The following UBE4B variants were observed in gnomAD, a reference collection of about 807,000 sequenced individuals.
UBE4B encodes ubiquitin conjugation factor E4 B.
Under a neutral mutation model 148.1 loss-of-function variants are expected in UBE4B, and 27 were observed. The observed-to-expected ratio is 0.18, with a 90% CI of 0.13 to 0.25. The LOEUF (loss-of-function observed/expected upper bound fraction) is 0.25. Among genes scored for constraint, UBE4B ranks in the 10% least tolerant of loss-of-function variants. The probability of loss-of-function intolerance (pLI) is 1.00; values close to 1 mark genes in which losing one functional copy is unlikely to be tolerated. For synonymous variants in UBE4B, 596 were observed against 619.3 expected, an observed-to-expected ratio of 0.96 and a Z score of 0.56; for missense variants, 1,170 against 1,662.4, an observed-to-expected ratio of 0.70 and a Z score of 5.15.
chr1:10,055,240 G>A (rs977907904), intron 1 of UBE4B, among the ~76,000 whole-genome samples: 1 of 152,104 alleles, frequency 6.6e-6, no homozygotes, highest in East Asian at 1.9e-4. Flanking sequence ...ACAAATGCTT[G>A]TGAAAATGTC....
intron 17 of UBE4B, among the ~76,000 whole-genome samples, chr1:10,140,736 CT>C (rs1645770228): frequency 6.6e-6 from 1 of 152,158 alleles, no homozygotes; most frequent in Non-Finnish European, 1.5e-5. Context: ...TTTTTCAATG[CT>C]GTGATTTAAG....
At chr1:10,105,837 G>A (rs1645096638) in intron 6 of UBE4B, 93 bp downstream of exon 6, 2 of 1,254,780 alleles carry the variant, frequency 1.6e-6, no homozygotes, top group South Asian at 1.3e-5. Flanking sequence ...GTTAATCAGT[G>A]TCATACAGGG....
chr1:10,038,171 T>C (rs1371263261), intron 1 of UBE4B, among the ~76,000 whole-genome samples: 1 of 151,278 alleles, frequency 6.6e-6, no homozygotes, highest in Non-Finnish European at 1.5e-5. Flanking sequence ...TCCGAGGTAC[T>C]CAGGAGGCTG....
intron 24 of UBE4B, 52 bp from the exon 25 acceptor site, chr1:10,171,086 T>C: frequency 6.5e-7 from 1 of 1,547,998 alleles, no homozygotes; most frequent in Non-Finnish European, 8.7e-7. Flanking sequence ...TTTTTGGTCC[T>C]TTTCACTTGT....
chr1:10,077,376 C>A (rs892248886), intron 2 of UBE4B, among the ~76,000 whole-genome samples: 1 of 152,178 alleles, frequency 6.6e-6, no homozygotes, highest in East Asian at 1.9e-4. Flanking sequence ...GGATTAGGGA[C>A]CACCGTAATT....
chr1:10,121,872 T>C (rs1209823513), intron 9 of UBE4B, 90 bp from the exon 10 acceptor site: 2 of 775,168 alleles, frequency 2.6e-6, no homozygotes, highest in Admixed American at 2.6e-5. Context: ...AGTTTGACTT[T>C]TGACTGGGCA....
intron 1 of UBE4B, among the ~76,000 whole-genome samples, chr1:10,042,342 G>T (rs1426925833): frequency 6.6e-6 from 1 of 152,142 alleles, no homozygotes; most frequent in Non-Finnish European, 1.5e-5. Context: ...GTCCTAGTGG[G>T]AGGAGAGGGA....
At chr1:10,119,127 C>T (rs1285599100) in intron 8 of UBE4B, among the ~76,000 whole-genome samples, 3 of 151,850 alleles carry the variant, frequency 2.0e-5, no homozygotes, top group African/African-American at 4.8e-5. Flanking sequence ...GTGATCCGCC[C>T]TTCTTGGCCT....
intron 7 of UBE4B, among the ~76,000 whole-genome samples, chr1:10,116,108 AG>A (rs1346062730): frequency 2.0e-5 from 3 of 152,162 alleles, no homozygotes; most frequent in Admixed American, 2.0e-4. Flanking sequence ...GGGTTGAAGT[AG>A]GGATGTGTCT....
intron 2 of UBE4B, among the ~76,000 whole-genome samples, chr1:10,084,564 T>C (rs1381605533): frequency 1.3e-5 from 2 of 152,078 alleles, no homozygotes; most frequent in Non-Finnish European, 1.5e-5. Flanking sequence ...AAAAACTATC[T>C]TGTGTTTCTA....
At position 10,179,974 on chromosome 1, in the gene UBE4B, C is replaced by T. The variant is rs747853558; in HGVS notation, c.*18C>T. 8 of 1,614,040 alleles carry T rather than the reference C, an allele frequency of 5.0e-6. No individual in the cohort carries two copies. In the South Asian group the frequency reaches 7.7e-5, roughly 16 times the overall value. On this transcript the variant is annotated 3_prime_UTR_variant, in exon 28 of 28. Coordinates refer to ENST00000343090, the MANE Select transcript of UBE4B (RefSeq NM_001105562.3). ...ATCACTAAACCGTTCCGCCGCCCAC[C>T]CTCTGCTAGACACAGCCAAGGCCAA... is the stretch of plus-strand genomic sequence containing the variant.
chr1:10,129,215 G>T, intron 11 of UBE4B, 177 bp from the exon 12 acceptor site: 1 of 509,068 alleles, frequency 2.0e-6, no homozygotes. Context: ...CACATTGCAT[G>T]TGTTTTAGTT....
rs774930129 is a variant in UBE4B, at chr1:10,126,777, TG to T, written c.1555-16del. On this transcript the variant is annotated splice_polypyrimidine_tract_variant and intron_variant, in intron 10 of 27. Coordinates refer to ENST00000343090, the MANE Select transcript of UBE4B (RefSeq NM_001105562.3). Reference sequence around the variant, plus strand: ...TCTCTTAAACTTATATTTCTGATTTTGTTTTTTTTCTTATAGATATTTATCC... The same window carrying T: ...TCTCTTAAACTTATATTTCTGATTTTTTTTTTTTCTTATAGATATTTATCC... 3.1e-6 allele frequency: 5 copies of T among 1,601,272 alleles called. No homozygotes were observed. The highest frequency in any genetic ancestry group is 1.3e-5 in the African/African-American group (1 of 74,594).
At chr1:10,171,036 A>G in intron 24 of UBE4B, 102 bp from the exon 25 acceptor site, 1 of 1,278,004 alleles carries the variant, frequency 7.8e-7, no homozygotes, top group Non-Finnish European at 1.1e-6. Context: ...TTCTTTGAAG[A>G]TTAATCCAAC....
intron 16 of UBE4B, among the ~76,000 whole-genome samples, chr1:10,135,541 A>G (rs1645666490): frequency 6.6e-6 from 1 of 152,124 alleles, no homozygotes; most frequent in Admixed American, 6.6e-5. Context: ...GTTCATGACC[A>G]GCCTGATCAC....
rs776558973 is a variant in UBE4B, at chr1:10,117,592, G to A, written c.1330G>A (p.Ala444Thr). ...FDRVGIEEKK[A>T]PKMCSQPAVS... ...CCGAGTTGGAATAGAGGAAAAAAAA[G>A]CACCAAAGGTAATATGAAATGGATT... Residue 444 changes from alanine to threonine, a missense_variant, in exon 8 of 28, where the codon GCA becomes ACA. Physicochemically the swap from Ala to Thr is moderately conservative, Grantham distance 58 (BLOSUM62 0). Around this residue, in one of 6 missense-constraint regions of UBE4B, gnomAD observed 388 missense variants for 536.0 expected, o/e 0.72. Transcript: ENST00000343090. The A allele has an allele frequency of 1.3e-6, 2 of 1,569,960 alleles. No individual in the cohort carries two copies. The highest frequency in any genetic ancestry group is 1.4e-5 in the African/African-American group (1 of 71,822).
At chr1:10,069,720 A>T (rs974286027) in intron 1 of UBE4B, among the ~76,000 whole-genome samples, 1 of 152,040 alleles carries the variant, frequency 6.6e-6, no homozygotes, top group African/African-American at 2.4e-5. Context: ...TTTTTAGTAG[A>T]GACAGGGTTT....
chr1:10,163,646 C>A (rs1463047713), intron 23 of UBE4B, among the ~76,000 whole-genome samples: 2 of 151,514 alleles, frequency 1.3e-5, no homozygotes, highest in African/African-American at 4.8e-5. Flanking sequence ...CCAGCCTGGG[C>A]GACAGAGTGA....
At position 10,033,623 on chromosome 1, in the gene UBE4B, G is replaced by C; in HGVS notation, c.-48G>C. 7 of 1,497,092 alleles carry C rather than the reference G, an allele frequency of 4.7e-6. No individual in the cohort carries two copies. Among genetic ancestry groups the C allele is most frequent in the Non-Finnish European group, 6.2e-6 (7 of 1,120,736 alleles). The allele number at this position is 1,497,092 out of a possible 1,614,324, so 92.7% of individuals were successfully genotyped here. A position where few individuals can be genotyped will look rare whatever the true frequency, so the allele number is the denominator to read the frequency against. ...CTCCTTCCTCCCGCCGTGGTCTCGA[G>C]AACAGAAGGATCTCTCCTTAACGCC... On this transcript the variant is annotated 5_prime_UTR_variant, in exon 1 of 28. Transcript: ENST00000343090.
Sources: gnomAD v4.1 joint callset for allele counts (sites outside exome capture counted in the v4.1 genomes callset) on GRCh38, gnomAD v4.1.1 for gene constraint, gnomAD v4.1.1 regional missense constraint, MANE v1.5 for transcripts, NCBI Gene and HGNC (gene_info 2026-07-23, HGNC 2026-07-21) for gene names.